Variants in FLI1 observed in about 807,000 individuals in gnomAD.
The protein encoded by FLI1 is Fli-1 proto-oncogene, ETS transcription factor, also known as Friend leukemia integration 1 transcription factor.
FLI1 carries 13 observed loss-of-function variants against 53.1 expected under a neutral mutation model. That is an observed-to-expected ratio of 0.24 (90% confidence interval 0.16 to 0.39). The LOEUF is 0.39. FLI1 is among the 10% of genes least tolerant of loss of function. FLI1 has a pLI of 1.00. For missense variants in FLI1, 424 were observed against 600.5 expected (o/e 0.71, Z 3.07); for synonymous variants, 244 against 236.7 (o/e 1.03, Z -0.28).
At chr11:128,765,087 A>C (rs1165980099) in intron 2 of FLI1, among the ~76,000 whole-genome samples, 2 of 152,054 alleles carry the variant, frequency 1.3e-5, no homozygotes, top group Non-Finnish European at 2.9e-5. Flanking sequence ...CGGAACTGGG[A>C]GAACTTCTAT....
intron 1 of FLI1, among the ~76,000 whole-genome samples, chr11:128,754,598 C>T (rs1316129412): frequency 1.3e-5 from 2 of 152,160 alleles, no homozygotes; most frequent in Non-Finnish European, 2.9e-5. Context: ...ACAAAGATGA[C>T]CTTTGGAAGA....
chr11:128,692,370 A>G (rs1258355580), upstream of FLI1, among the ~76,000 whole-genome samples: 1 of 152,024 alleles, frequency 6.6e-6, no homozygotes, highest in Non-Finnish European at 1.5e-5. Flanking sequence ...GGAGCCCCGG[A>G]GCAGACCCCT....
At chr11:128,773,127 G>C (rs185795513) in intron 4 of FLI1, 142 bp downstream of exon 4, 453 of 751,362 alleles carry the variant, frequency 6.0e-4, no homozygotes, top group Middle Eastern at 3.1e-3. Context: ...CCAAGGTCAC[G>C]TGGGCTCCTA....
At chr11:128,774,541 A>C (rs1941676357) in intron 4 of FLI1, among the ~76,000 whole-genome samples, 1 of 152,228 alleles carries the variant, frequency 6.6e-6, no homozygotes, top group South Asian at 2.1e-4. Context: ...GGAGGTTAGC[A>C]TGAGAAGGAG....
intron 3 of FLI1, among the ~76,000 whole-genome samples, chr11:128,770,671 G>C (rs558328026): frequency 6.6e-6 from 1 of 152,312 alleles, no homozygotes; most frequent in South Asian, 2.1e-4. Context: ...AAAATATATG[G>C]TGTAAAATTG....
At chr11:128,753,526 A>C (rs1940734509) in intron 1 of FLI1, among the ~76,000 whole-genome samples, 1 of 152,196 alleles carries the variant, frequency 6.6e-6, no homozygotes, top group African/African-American at 2.4e-5. Flanking sequence ...TCAGTTAAGT[A>C]CTTATTGATG....
At chr11:128,720,952 G>A (rs1332959696) in intron 1 of FLI1, among the ~76,000 whole-genome samples, 1 of 152,140 alleles carries the variant, frequency 6.6e-6, no homozygotes, top group Non-Finnish European at 1.5e-5. Flanking sequence ...AACAGAAGCC[G>A]CCTCTGGCCA....
chr11:128,711,706 C>T (rs548616554), intron 1 of FLI1, among the ~76,000 whole-genome samples: 1 of 152,250 alleles, frequency 6.6e-6, no homozygotes, highest in African/African-American at 2.4e-5. Flanking sequence ...TGGCATTGTA[C>T]TTGCTTATTT....
At chr11:128,755,915 C>G (rs1486452530) in intron 1 of FLI1, among the ~76,000 whole-genome samples, 1 of 152,190 alleles carries the variant, frequency 6.6e-6, no homozygotes, top group African/African-American at 2.4e-5. Flanking sequence ...CTGAAAACAG[C>G]CATAGAAGAG....
chr11:128,749,925 C>T (rs1940568766), intron 1 of FLI1, among the ~76,000 whole-genome samples: 1 of 152,226 alleles, frequency 6.6e-6, no homozygotes, highest in Non-Finnish European at 1.5e-5. Flanking sequence ...TCAGATGAGA[C>T]TTGGAGTGAC....
At chr11:128,775,929 G>A (rs1941715046) in intron 4 of FLI1, among the ~76,000 whole-genome samples, 1 of 152,194 alleles carries the variant, frequency 6.6e-6, no homozygotes, top group Non-Finnish European at 1.5e-5. Context: ...ACCTGAGACT[G>A]TGGCTGGTTG....
intron 5 of FLI1, among the ~76,000 whole-genome samples, chr11:128,782,677 G>A (rs1022069893): frequency 5.9e-5 from 9 of 152,186 alleles, no homozygotes; most frequent in Admixed American, 2.0e-4. Context: ...CAGCCTGGGC[G>A]ACAGAGCAAG....
chr11:128,731,850 A>G (rs1254850751), intron 1 of FLI1, among the ~76,000 whole-genome samples: 1 of 152,142 alleles, frequency 6.6e-6, no homozygotes, highest in Non-Finnish European at 1.5e-5. Flanking sequence ...TAAAAATACA[A>G]AAATTAGCTT....
At chr11:128,789,886 G>A (rs607844) in intron 5 of FLI1, among the ~76,000 whole-genome samples, 35,941 of 152,084 alleles carry the variant, frequency 0.24, 5,030 homozygotes, top group Non-Finnish European at 0.32. Flanking sequence ...AGGTTGTGTG[G>A]CCCCACAGGC....
intron 5 of FLI1, among the ~76,000 whole-genome samples, chr11:128,798,753 G>A (rs1283562394): frequency 2.0e-5 from 3 of 152,276 alleles, no homozygotes; most frequent in Admixed American, 1.3e-4. Flanking sequence ...GATGTAAGAC[G>A]CCGCTGAAGT....
At chr11:128,687,168 A>G (rs546531017) in intron 1 of FLI1, among the ~76,000 whole-genome samples, 1 of 152,272 alleles carries the variant, frequency 6.6e-6, no homozygotes, top group Middle Eastern at 3.4e-3. Flanking sequence ...CTTCTCCTAC[A>G]GGTGAGACAC....
intron 5 of FLI1, among the ~76,000 whole-genome samples, chr11:128,797,212 T>G (rs192529575): frequency 2.6e-5 from 4 of 152,362 alleles, no homozygotes; most frequent in Admixed American, 1.3e-4. Context: ...TCAAAATATG[T>G]GAAAAGTACT....
At chr11:128,750,055 G>A (rs1292139782) in intron 1 of FLI1, among the ~76,000 whole-genome samples, 1 of 152,240 alleles carries the variant, frequency 6.6e-6, no homozygotes, top group Non-Finnish European at 1.5e-5. Context: ...CGACTGGCAA[G>A]AGAAGGGACT....
At chr11:128,735,994 T>C (rs750866237) in intron 1 of FLI1, among the ~76,000 whole-genome samples, 1 of 152,202 alleles carries the variant, frequency 6.6e-6, no homozygotes, top group African/African-American at 2.4e-5. Flanking sequence ...GAAACCTCCT[T>C]GTGGTATGCA....
Sources: allele counts gnomAD v4.1 joint callset (sites outside exome capture counted in the v4.1 genomes callset), GRCh38; gene constraint gnomAD v4.1.1; transcripts MANE v1.5; gene names NCBI Gene and HGNC (gene_info 2026-07-23, HGNC 2026-07-21).